TENM1: variants seen among roughly 807,000 people sequenced by gnomAD.
The protein encoded by TENM1 is teneurin transmembrane protein 1, also known as teneurin-1.
TENM1 carries 35 observed loss-of-function variants against 174.8 expected under a neutral mutation model. That is an observed-to-expected ratio of 0.20 (90% CI 0.15 to 0.27). The LOEUF is 0.27. TENM1 is among the 10% of genes least tolerant of loss of function. The pLI is 1.00. For missense variants in TENM1, 1,633 were observed against 2,130.1 expected (o/e 0.77, Z 4.59); for synonymous variants, 781 against 798.7 (o/e 0.98, Z 0.37).
upstream of TENM1, among the ~76,000 whole-genome samples, chrX:124,964,311 G>A: frequency 8.9e-6 from 1 of 111,753 alleles, no homozygotes; most frequent in Non-Finnish European, 1.9e-5. Flanking sequence ...CTGAGTAAGG[G>A]AAGGATTCTG....
chrX:124,958,233 C>T (rs2058606506), intron 1 of TENM1, among the ~76,000 whole-genome samples: 1 of 111,943 alleles, frequency 8.9e-6, no homozygotes, highest in Admixed American at 9.5e-5. Flanking sequence ...CAGCATTCCA[C>T]ATATACATGG....
At chrX:124,578,456 T>C (rs1269927304) in intron 11 of TENM1, among the ~76,000 whole-genome samples, 2 of 111,642 alleles carry the variant, frequency 1.8e-5, no homozygotes, top group African/African-American at 3.3e-5. Flanking sequence ...GAATCCTAGC[T>C]CAGAGATCGA....
chrX:124,716,552 C>T (rs2053187129), intron 4 of TENM1, among the ~76,000 whole-genome samples: 1 of 112,194 alleles, frequency 8.9e-6, no homozygotes, highest in Non-Finnish European at 1.9e-5. Flanking sequence ...AGGGCTCTCC[C>T]TATCACCCAC....
At chrX:124,831,820 T>C (rs1414444091) in intron 3 of TENM1, among the ~76,000 whole-genome samples, 1 of 111,509 alleles carries the variant, frequency 9.0e-6, no homozygotes, top group Non-Finnish European at 1.9e-5. Context: ...AAATAGGTCA[T>C]GGTATGGCAG....
intron 6 of TENM1, among the ~76,000 whole-genome samples, chrX:124,659,847 G>A (rs2051545810): frequency 9.0e-6 from 1 of 111,144 alleles, no homozygotes; most frequent in Non-Finnish European, 1.9e-5. Flanking sequence ...ACTGATTTTC[G>A]ACAAGGTCAC....
intron 4 of TENM1, among the ~76,000 whole-genome samples, chrX:124,725,040 C>T (rs758433261): frequency 9.0e-6 from 1 of 111,257 alleles, no homozygotes; most frequent in South Asian, 3.9e-4. Context: ...CTTGGACTTC[C>T]CAGCCTCTAG....
At chrX:124,640,284 T>C (rs185895972) in intron 11 of TENM1, among the ~76,000 whole-genome samples, 6 of 111,701 alleles carry the variant, frequency 5.4e-5, no homozygotes, top group Non-Finnish European at 9.4e-5. Context: ...AAAATTTCAG[T>C]GAAGTATTGT....
chrX:125,074,260 C>CT, the TENM1 span, among the ~76,000 whole-genome samples: 958 of 102,690 alleles, frequency 9.3e-3, 6 homozygotes, highest in African/African-American at 0.026. Flanking sequence ...ATTTTTCTTT[C>CT]TTTTTTTTTT....
At chrX:125,064,054 G>T in the TENM1 span, among the ~76,000 whole-genome samples, 1 of 108,642 alleles carries the variant, frequency 9.2e-6, no homozygotes, top group Non-Finnish European at 1.9e-5. Context: ...GCAAACTATC[G>T]CAAGGACAAA....
rs190086822 is a variant in TENM1, at chrX:124,643,909, G to A, written c.1876+1234C>T. ...GTATTTTTTTACTAACACTGTGTGG[G>A]TCTATATAGCATATGAATTTGCAAC... On this transcript the variant is annotated intron_variant, in intron 10 of 31. Transcript: ENST00000422452. Among the ~76,000 whole-genome samples the A allele has an allele frequency of 7.5e-3, 802 of 107,258 alleles. 10 individuals carry two copies. The highest frequency in any genetic ancestry group is 0.026 in the African/African-American group (773 of 29,469). 93.1% of individuals were successfully genotyped at this position (107,258 alleles called of 115,157 possible).
At chrX:124,581,117 T>C (rs1396085447) in intron 11 of TENM1, among the ~76,000 whole-genome samples, 1 of 95,568 alleles carries the variant, frequency 1.0e-5, no homozygotes, top group Non-Finnish European at 2.0e-5. Context: ...CAGGCTGGAG[T>C]GCAGTGGCAC....
the TENM1 span, among the ~76,000 whole-genome samples, chrX:125,122,764 G>A: frequency 9.0e-6 from 1 of 111,133 alleles, no homozygotes; most frequent in South Asian, 3.8e-4. Flanking sequence ...AAAGGGTTAT[G>A]ATAGTCAGCA....
intron 14 of TENM1, among the ~76,000 whole-genome samples, chrX:124,556,853 A>G (rs905562285): frequency 5.4e-5 from 6 of 111,568 alleles, no homozygotes; most frequent in Non-Finnish European, 9.4e-5. Flanking sequence ...TAAAATATTT[A>G]TATTTCAAGT....
intron 20 of TENM1, among the ~76,000 whole-genome samples, chrX:124,491,317 T>G (rs769807144): frequency 8.9e-6 from 1 of 111,802 alleles, no homozygotes; most frequent in Non-Finnish European, 1.9e-5. Flanking sequence ...CATGGATCCT[T>G]CTAATACTAA....
intron 3 of TENM1, among the ~76,000 whole-genome samples, chrX:124,742,776 G>A (rs978241232): frequency 9.1e-5 from 10 of 110,258 alleles, no homozygotes; most frequent in African/African-American, 3.3e-4. Flanking sequence ...CTCTTATGAG[G>A]CAATATTAAT....
chrX:124,496,021 G>T (rs7473975), intron 20 of TENM1, among the ~76,000 whole-genome samples: 28,623 of 99,304 alleles, frequency 0.29, 5,524 homozygotes, highest in African/African-American at 0.64. Context: ...CCAAAACAGA[G>T]ATATAGATCA....
intron 3 of TENM1, among the ~76,000 whole-genome samples, chrX:124,874,642 A>C (rs749389669): frequency 1.8e-5 from 2 of 110,974 alleles, no homozygotes; most frequent in South Asian, 3.8e-4. Flanking sequence ...GGTTGGAAGA[A>C]ATTCTCCCAT....
chrX:124,886,423 A>T (rs2057384808), intron 3 of TENM1, among the ~76,000 whole-genome samples: 1 of 108,111 alleles, frequency 9.2e-6, no homozygotes, highest in Non-Finnish European at 1.9e-5. Flanking sequence ...CACATTTATT[A>T]TTTATGTGTA....
chrX:124,425,995 GGTGTGTGTGTGTGTGTGTGTGTGT>G (rs200141105), intron 23 of TENM1, among the ~76,000 whole-genome samples: 30 of 88,018 alleles, frequency 3.4e-4, no homozygotes, highest in Middle Eastern at 5.8e-3. Flanking sequence ...CAAAAGGACT[GGTGTGTGTGTGTGTGTGTGTGTGT>G]GTGTGTGTGT....
Sources: allele counts gnomAD v4.1 joint callset (sites outside exome capture counted in the v4.1 genomes callset), GRCh38; gene constraint gnomAD v4.1.1; transcripts MANE v1.5; gene names NCBI Gene and HGNC (gene_info 2026-07-23, HGNC 2026-07-21).